CABIN1: variants seen among roughly 807,000 people sequenced by gnomAD.
The protein encoded by CABIN1 is calcineurin binding protein 1, also known as calcineurin-binding protein cabin-1.
CABIN1 carries 133 observed loss-of-function variants against 227.7 expected under a neutral mutation model. The observed-to-expected ratio is 0.58, with a 90% CI of 0.51 to 0.67. CABIN1 has a LOEUF of 0.67. Ranked by LOEUF, CABIN1 falls within the 30% of genes least tolerant of loss-of-function variation. CABIN1 has a pLI of 0.00. For missense variants in CABIN1, 2,408 were observed against 2,852.5 expected, an observed-to-expected ratio of 0.84 and a Z score of 3.55; for synonymous variants, 1,086 against 1,155.1, an observed-to-expected ratio of 0.94 and a Z score of 1.21.
At chr22:24,107,310 A>G (rs997622280) in intron 26 of CABIN1, among the ~76,000 whole-genome samples, 28 of 152,332 alleles carry the variant, frequency 1.8e-4, no homozygotes, top group Admixed American at 1.5e-3. Flanking sequence ...GGGTTTGTCT[A>G]GAATCACCAC....
chr22:24,031,270 T>C (rs2036472695), intron 1 of CABIN1, among the ~76,000 whole-genome samples: 1 of 152,164 alleles, frequency 6.6e-6, no homozygotes, highest in Non-Finnish European at 1.5e-5. Context: ...CTCCTGCCTC[T>C]GTGGGGTGGC....
rs1179592737 is a variant in CABIN1, at chr22:24,021,929, C to T, written c.-75+10562C>T. Among the ~76,000 whole-genome samples the T allele has an allele frequency of 2.6e-5, 4 of 152,174 alleles. No homozygotes were observed. In the East Asian group the frequency reaches 5.8e-4, roughly 22 times the overall value. ...CGAATCCCCGACCTCAGGTGATCTA[C>T]CCACCTTGGCCTCCCAAAGTGCTGG... On this transcript the variant is annotated intron_variant, in intron 1 of 36. Transcript: ENST00000263119.
chr22:24,133,967 T>C (rs1448949177), intron 28 of CABIN1, among the ~76,000 whole-genome samples: 1 of 152,216 alleles, frequency 6.6e-6, no homozygotes, highest in Non-Finnish European at 1.5e-5. Context: ...TTTGGGCTTG[T>C]GGGGGCCCCC....
rs2036860001 is a variant in CABIN1, at chr22:24,036,073, A to C, written c.4-16A>C. ...CTCAAAGCAACTTGTCTCTTCCACCAAACCCCTGTTTCTAGATTCGAATTG... is the reference window on the plus strand; with the variant it reads ...CTCAAAGCAACTTGTCTCTTCCACCCAACCCCTGTTTCTAGATTCGAATTG... On this transcript the variant is annotated splice_polypyrimidine_tract_variant and intron_variant, in intron 2 of 36. Coordinates refer to ENST00000263119, the MANE Select transcript of CABIN1 (RefSeq NM_012295.4). 2.5e-6 allele frequency: 4 copies of C among 1,594,256 alleles called. No individual in the cohort carries two copies. Among genetic ancestry groups the C allele is most frequent in the Non-Finnish European group, 3.4e-6 (4 of 1,162,122 alleles).
chr22:24,095,736 A>G (rs1477231809), intron 24 of CABIN1, among the ~76,000 whole-genome samples, 195 bp from the exon 25 acceptor site: 1 of 152,208 alleles, frequency 6.6e-6, no homozygotes, highest in African/African-American at 2.4e-5. Context: ...TGGAATGCTG[A>G]CAGTATACAT....
Position 24,060,042 on chromosome 22 carries a change from C to T in CABIN1, c.1518C>T (p.Gly506=). 1.2e-6 allele frequency: 2 copies of T among 1,614,140 alleles called. No homozygotes were observed. The highest frequency in any genetic ancestry group is 1.7e-6 in the Non-Finnish European group (2 of 1,180,020). The change falls in exon 12 of 37, where the codon GGC becomes GGT. Residue 506 remains glycine, a synonymous_variant. Coordinates refer to ENST00000263119, the MANE Select transcript of CABIN1 (RefSeq NM_012295.4). The part of the protein sequence containing the change: ...GHKFLVRWPP[G]LAEVVLSVYH... ...AGTTCTTGGTAAGGTGGCCTCCAGG[C>T]TTGGCGGAGGTCGTGCTCAGCGTCT...
intron 1 of CABIN1, among the ~76,000 whole-genome samples, chr22:24,020,095 C>G (rs1275744423): frequency 6.6e-6 from 1 of 152,142 alleles, no homozygotes; most frequent in East Asian, 1.9e-4. Context: ...GGACATGCCT[C>G]TGAAATAAGG....
chr22:24,074,919 A>G (rs1333456341), intron 18 of CABIN1, among the ~76,000 whole-genome samples: 1 of 152,254 alleles, frequency 6.6e-6, no homozygotes, highest in Non-Finnish European at 1.5e-5. Flanking sequence ...GTAACAGGGC[A>G]TGGTGGCTCA....
Position 24,171,842 on chromosome 22 carries a change from C to T in CABIN1, c.5887C>T (p.His1963Tyr), listed in dbSNP as rs772645349. 9 of 1,614,026 alleles carry T rather than the reference C, an allele frequency of 5.6e-6. No individual in the cohort carries two copies. In the East Asian group the frequency reaches 1.8e-4, roughly 32 times the overall value. ...CTCTGTCCAGCGGCCCAGTGATGCTCACACCAAGCCTCGCCCTGCACTAGC... is the reference window on the plus strand; with the variant it reads ...CTCTGTCCAGCGGCCCAGTGATGCTTACACCAAGCCTCGCCCTGCACTAGC... ...ADSVQRPSDA[H>Y]TKPRPALAAA... The change falls in exon 34 of 37, where the codon CAC becomes TAC. Residue 1963 changes from histidine to tyrosine, a missense_variant. His to Tyr is a moderately conservative substitution (Grantham distance 83). Around this residue, in one of 3 missense-constraint regions of CABIN1, gnomAD observed 714 missense variants for 773.8 expected, o/e 0.92. Coordinates refer to ENST00000263119, the MANE Select transcript of CABIN1 (RefSeq NM_012295.4).
At chr22:24,152,609 C>G (rs868042478) in intron 29 of CABIN1, among the ~76,000 whole-genome samples, 1 of 152,208 alleles carries the variant, frequency 6.6e-6, no homozygotes, top group Non-Finnish European at 1.5e-5. Flanking sequence ...AGCTCCCAGG[C>G]TGAGAACGGG....
chr22:24,128,210 A>G (rs544208489), intron 28 of CABIN1, among the ~76,000 whole-genome samples: 15 of 143,242 alleles, frequency 1.0e-4, no homozygotes, highest in Non-Finnish European at 1.9e-4. Flanking sequence ...ACAGAAATGT[A>G]TGCAAATGTG....
chr22:24,064,287 CCTACA>C, intron 15 of CABIN1, 100 bp downstream of exon 15: 1 of 1,273,258 alleles, frequency 7.9e-7, no homozygotes, highest in Non-Finnish European at 1.1e-6. Context: ...CTCACTGCAA[CCTACA>C]CCTCTGGGGT....
At chr22:24,046,143 C>T (rs1331643132) in intron 6 of CABIN1, among the ~76,000 whole-genome samples, 3 of 151,974 alleles carry the variant, frequency 2.0e-5, no homozygotes, top group African/African-American at 4.8e-5. Context: ...CGTGTGCTTT[C>T]CTCAGGCTGG....
chr22:24,141,249 C>T (rs544467488), intron 29 of CABIN1, among the ~76,000 whole-genome samples: 1 of 152,344 alleles, frequency 6.6e-6, no homozygotes, highest in Admixed American at 6.5e-5. Flanking sequence ...CCTTAGCCGT[C>T]ACACCCACCA....
Position 24,166,666 on chromosome 22 carries a change from T to G in CABIN1, c.5035T>G (p.Cys1679Gly). The change falls in exon 32 of 37, where the codon TGT (cysteine) becomes GGT (glycine). Residue 1679 changes from cysteine (C) to glycine (G), a missense_variant. Physicochemically the swap from Cys to Gly is radical, Grantham distance 159 (BLOSUM62 -3). This residue lies in a region of CABIN1 where 714 missense variants were observed against 773.8 expected (regional missense o/e 0.92). Transcript: ENST00000263119. ...EGSERPGPKVCGLPGARMTTD... is the reference protein window; with the variant it reads ...EGSERPGPKVGGLPGARMTTD... Reference sequence around the variant, plus strand: ...GTCAGAACGCCCAGGGCCCAAGGTCTGTGGCCTCCCCGGAGCCAGGATGAC... The same window carrying G: ...GTCAGAACGCCCAGGGCCCAAGGTCGGTGGCCTCCCCGGAGCCAGGATGAC... 1 of 1,612,850 alleles carries G rather than the reference T, an allele frequency of 6.2e-7. No individual in the cohort carries two copies. Among genetic ancestry groups the G allele is most frequent in the Non-Finnish European group, 8.5e-7 (1 of 1,179,992 alleles).
intron 15 of CABIN1, among the ~76,000 whole-genome samples, chr22:24,066,647 G>A (rs530297955): frequency 3.9e-5 from 6 of 152,246 alleles, no homozygotes; most frequent in African/African-American, 9.6e-5. Flanking sequence ...CCGATGTTCC[G>A]CAGTTCTGCA....
chr22:24,142,352 C>T (rs533952233), intron 29 of CABIN1, among the ~76,000 whole-genome samples: 13 of 152,238 alleles, frequency 8.5e-5, no homozygotes, highest in African/African-American at 2.9e-4. Flanking sequence ...GACTGAATTC[C>T]TCTCATCCTC....
At chr22:24,165,228 G>A (rs1260556727) in intron 30 of CABIN1, among the ~76,000 whole-genome samples, 1 of 152,204 alleles carries the variant, frequency 6.6e-6, no homozygotes, top group Non-Finnish European at 1.5e-5. Context: ...GCTGGGGCCT[G>A]GGGCACCCTG....
At chr22:24,081,556 T>G (rs1437748787) in intron 19 of CABIN1, among the ~76,000 whole-genome samples, 3 of 152,226 alleles carry the variant, frequency 2.0e-5, no homozygotes, top group African/African-American at 7.2e-5. Context: ...AATTAGTCTT[T>G]TCAAATTACT....
Sources: gnomAD v4.1 joint callset for allele counts (sites outside exome capture counted in the v4.1 genomes callset) on GRCh38, gnomAD v4.1.1 for gene constraint, gnomAD v4.1.1 regional missense constraint, MANE v1.5 for transcripts, NCBI Gene and HGNC (gene_info 2026-07-23, HGNC 2026-07-21) for gene names.